THUMPD3: variants seen among roughly 807,000 people sequenced by gnomAD.
THUMPD3 encodes the protein tRNA (guanine(6)-N(2))-methyltransferase THUMP3.
Under a neutral mutation model 54.5 loss-of-function variants are expected in THUMPD3, and 44 were observed. That is an observed-to-expected ratio of 0.81 (90% CI 0.63 to 1.04). The LOEUF (loss-of-function observed/expected upper bound fraction) is 1.04, where lower values mean the gene tolerates loss of function less well. Among genes scored for constraint, THUMPD3 ranks in the 50% least tolerant of loss-of-function variants. The pLI, the probability that THUMPD3 is intolerant of heterozygous loss-of-function variation, is 0.00. For synonymous variants in THUMPD3, 196 were observed against 201.4 expected (o/e 0.97, Z 0.23); for missense variants, 604 against 601.3 (o/e 1.00, Z -0.05).
In THUMPD3 at chr3:9,386,188, T is replaced by C. The variant is rs2033319506; in HGVS notation, c.*1500T>C. On this transcript the variant is annotated 3_prime_UTR_variant, in exon 10 of 10. Transcript: ENST00000452837. The stretch of plus-strand genomic sequence containing the variant: ...ACTTCATAATGAATGGGAAATAAGA[T>C]GTTTATGAAGGTTTTATATCCTAGA... 1.3e-5 allele frequency: 2 copies of C among 152,224 alleles called. No individual in the cohort carries two copies. Among genetic ancestry groups the C allele is most frequent in the Admixed American group, 1.3e-4 (2 of 15,284 alleles). The allele number at this position is 152,224 out of a possible 1,614,324, so 9.4% of individuals were successfully genotyped here.
intron 3 of THUMPD3, among the ~76,000 whole-genome samples, chr3:9,370,387 A>C (rs1461336627): frequency 6.6e-6 from 1 of 152,192 alleles, no homozygotes; most frequent in Non-Finnish European, 1.5e-5. Flanking sequence ...TTGGGTATAA[A>C]ATTTGGAGTT....
chr3:9,369,271 C>A (rs1307970224), intron 3 of THUMPD3, among the ~76,000 whole-genome samples: 1 of 120,746 alleles, frequency 8.3e-6, no homozygotes, highest in African/African-American at 3.3e-5. Flanking sequence ...GATCACGCCA[C>A]TGCACTCTAG....
At chr3:9,377,967 T>A in intron 6 of THUMPD3, 79 bp downstream of exon 6, 1 of 1,192,492 alleles carries the variant, frequency 8.4e-7, no homozygotes, top group South Asian at 1.2e-5. Flanking sequence ...TTAGACATAA[T>A]GAAATCTCCA....
chr3:9,380,544 T>C lies in THUMPD3; in HGVS notation c.1050T>C (p.Asp350=). The change falls in exon 7 of 10, where the codon GAT becomes GAC. Residue 350 remains aspartate, a synonymous_variant. Transcript: ENST00000452837. Reference sequence around the variant, plus strand: ...CTGACTGTTTCCATATTGCTGGTGATAATAATCCACTGGCTGTGAATAGAG... The same window carrying C: ...CTGACTGTTTCCATATTGCTGGTGACAATAATCCACTGGCTGTGAATAGAG... ...EWSDCFHIAG[D]NNPLAVNRAA... 1.2e-6 allele frequency: 2 copies of C among 1,613,808 alleles called. No individual in the cohort carries two copies. Among genetic ancestry groups the C allele is most frequent in the South Asian group, 1.1e-5 (1 of 91,048 alleles).
At chr3:9,374,775 G>T in intron 5 of THUMPD3, 129 bp downstream of exon 5, 1 of 1,045,310 alleles carries the variant, frequency 9.6e-7, no homozygotes, top group Non-Finnish European at 1.4e-6. Flanking sequence ...GAATAGAATG[G>T]AAAGCTAATG....
rs2033291533 is a variant in THUMPD3, at chr3:9,385,805, A to G, written c.*1117A>G. On this transcript the variant is annotated 3_prime_UTR_variant, in exon 10 of 10. Transcript: ENST00000452837. ...AGAAAAAAAATGATATATCTTTGGA[A>G]AACTTTTAATTTGGGAGTTATGTGA... The G allele has an allele frequency of 1.3e-5, 2 of 152,198 alleles. No homozygotes were observed. Among genetic ancestry groups the G allele is most frequent in the African/African-American group, 4.8e-5 (2 of 41,440 alleles). 9.4% of individuals were successfully genotyped at this position (152,198 alleles called of 1,614,324 possible). A position where few individuals can be genotyped will look rare whatever the true frequency, so the allele number is the denominator to read the frequency against.
Position 9,374,382 on chromosome 3 carries a change from T to C in THUMPD3, c.808-134T>C. ...GTCTGCACTAAGTTTGGCATCAATATGGTGACCTCCCAGGAGTAGGGGACC... is the reference window on the plus strand; with the variant it reads ...GTCTGCACTAAGTTTGGCATCAATACGGTGACCTCCCAGGAGTAGGGGACC... On this transcript the variant is annotated intron_variant, in intron 4 of 9. Coordinates refer to ENST00000452837, the MANE Select transcript of THUMPD3 (RefSeq NM_001114092.2). 6 of 1,021,494 alleles carry C rather than the reference T, an allele frequency of 5.9e-6. No homozygotes were observed. In the South Asian group the frequency reaches 9.4e-5, roughly 16 times the overall value. 63.3% of individuals were successfully genotyped at this position (1,021,494 alleles called of 1,614,324 possible). A position where few individuals can be genotyped will look rare whatever the true frequency, so the allele number is the denominator to read the frequency against.
chr3:9,367,047 T>C (rs2125309282), intron 3 of THUMPD3, 62 bp downstream of exon 3: 3 of 1,309,968 alleles, frequency 2.3e-6, no homozygotes, highest in Non-Finnish European at 3.3e-6. Flanking sequence ...ATTATTTCCA[T>C]TTTTCATAGT....
chr3:9,364,453 TCTC>T (rs2031309998), intron 1 of THUMPD3, among the ~76,000 whole-genome samples: 1 of 151,796 alleles, frequency 6.6e-6, no homozygotes, highest in South Asian at 2.1e-4. Context: ...TTCAAGCAAT[TCTC>T]CTCCCTCAGC....
intron 8 of THUMPD3, 142 bp downstream of exon 8, chr3:9,383,451 A>G: frequency 1.7e-6 from 1 of 605,224 alleles, no homozygotes; most frequent in South Asian, 1.9e-5. Flanking sequence ...TTCACCCATT[A>G]TGTTTCTTCC....
At chr3:9,373,033 G>A (rs990487338) in intron 4 of THUMPD3, among the ~76,000 whole-genome samples, 1 of 152,148 alleles carries the variant, frequency 6.6e-6, no homozygotes, top group Non-Finnish European at 1.5e-5. Context: ...GATCGCTTGA[G>A]CCCAAGAATT....
In THUMPD3 at chr3:9,384,908, A is replaced by G; in HGVS notation, c.*220A>G. ...CGACTGTAATTCCAGCAGTTTAGGA[A>G]GCCGAAGTGTGCAGATCACCTGAGG... is the stretch of plus-strand genomic sequence containing the variant. On this transcript the variant is annotated 3_prime_UTR_variant, in exon 10 of 10. Transcript: ENST00000452837. 9 of 528,890 alleles carry G rather than the reference A, an allele frequency of 1.7e-5. No individual in the cohort carries two copies. The highest frequency in any genetic ancestry group is 3.0e-5 in the Non-Finnish European group (9 of 299,642). The allele number at this position is 528,890 out of a possible 1,614,324, so 32.8% of individuals were successfully genotyped here. A position where few individuals can be genotyped will look rare whatever the true frequency, so the allele number is the denominator to read the frequency against.
In THUMPD3 at chr3:9,384,310, C is replaced by A. The variant is rs867138037; in HGVS notation, c.1334C>A (p.Thr445Asn). The change falls in exon 9 of 10, where the codon ACT (threonine) becomes AAT (asparagine). Residue 445 changes from threonine to asparagine, a missense_variant. Thr to Asn is a moderately conservative substitution (Grantham distance 65, BLOSUM62 0). Transcript: ENST00000452837. ...ACCACAGGCCGAGCTGTACTACTTA[C>A]TCAAGACACAAAATGCTTTACCAAG... ...TPTTGRAVLL[T>N]QDTKCFTKAL... 1 of 1,613,906 alleles carries A rather than the reference C, an allele frequency of 6.2e-7. No individual in the cohort carries two copies. The highest frequency in any genetic ancestry group is 1.3e-5 in the African/African-American group (1 of 74,922).
chr3:9,383,009 A>C, intron 7 of THUMPD3, 190 bp from the exon 8 acceptor site: 1 of 471,460 alleles, frequency 2.1e-6, no homozygotes, highest in Non-Finnish European at 3.9e-6. Context: ...TTATAGGCAC[A>C]AGCTACCATG....
chr3:9,379,008 G>A (rs2032677874), intron 6 of THUMPD3, among the ~76,000 whole-genome samples: 1 of 152,094 alleles, frequency 6.6e-6, no homozygotes, highest in African/African-American at 2.4e-5. Flanking sequence ...CCATGTAAGA[G>A]TAGACATGCA....
Position 9,384,896 on chromosome 3 carries a change from A to G in THUMPD3, c.*208A>G. 3.5e-6 allele frequency: 2 copies of G among 573,910 alleles called. No individual in the cohort carries two copies. The highest frequency in any genetic ancestry group is 3.0e-6 in the Non-Finnish European group (1 of 333,442). The allele number at this position is 573,910 out of a possible 1,614,324, so 35.6% of individuals were successfully genotyped here. A position where few individuals can be genotyped will look rare whatever the true frequency, so the allele number is the denominator to read the frequency against. On this transcript the variant is annotated 3_prime_UTR_variant, in exon 10 of 10. Coordinates refer to ENST00000452837, the MANE Select transcript of THUMPD3 (RefSeq NM_001114092.2). ...CACAGTGGCTCACGACTGTAATTCC[A>G]GCAGTTTAGGAAGCCGAAGTGTGCA...
chr3:9,368,738 G>T (rs1199692319), intron 3 of THUMPD3, among the ~76,000 whole-genome samples: 1 of 152,132 alleles, frequency 6.6e-6, no homozygotes, highest in African/African-American at 2.4e-5. Context: ...CATGTATTTG[G>T]AGCAAACTTG....
At position 9,384,883 on chromosome 3, in the gene THUMPD3, C is replaced by T. The variant is rs1271408510; in HGVS notation, c.*195C>T. The T allele has an allele frequency of 5.6e-5, 34 of 607,420 alleles. No individual in the cohort carries two copies. Among genetic ancestry groups the T allele is most frequent in the East Asian group, 4.5e-4 (15 of 33,040 alleles). 37.6% of individuals were successfully genotyped at this position (607,420 alleles called of 1,614,324 possible). On this transcript the variant is annotated 3_prime_UTR_variant, in exon 10 of 10. Coordinates refer to ENST00000452837, the MANE Select transcript of THUMPD3 (RefSeq NM_001114092.2). ...TTATGAGACCAGGCACAGTGGCTCA[C>T]GACTGTAATTCCAGCAGTTTAGGAA...
intron 3 of THUMPD3, among the ~76,000 whole-genome samples, chr3:9,369,379 G>A (rs1421231061): frequency 7.1e-6 from 1 of 141,800 alleles, no homozygotes; most frequent in African/African-American, 2.6e-5. Context: ...ATAAATCCAA[G>A]ATTCATTTGT....
Sources: allele counts gnomAD v4.1 joint callset (sites outside exome capture counted in the v4.1 genomes callset), GRCh38; gene constraint gnomAD v4.1.1; transcripts MANE v1.5; gene names NCBI Gene and HGNC (gene_info 2026-07-23, HGNC 2026-07-21).